The following DENND3 variants were observed in gnomAD, a reference collection of about 807,000 sequenced individuals.
DENND3 encodes the protein DENN domain containing 3.
In DENND3, 88 loss-of-function variants were observed where a neutral mutation model predicts 135.1. The observed-to-expected ratio is 0.65, with a 90% confidence interval of 0.55 to 0.78. DENND3 has a LOEUF of 0.78. Among genes scored for constraint, DENND3 ranks in the 30% least tolerant of loss-of-function variants. The pLI is 0.00. For missense variants in DENND3, 1,392 were observed against 1,688.4 expected (o/e 0.82, Z 3.08); for synonymous variants, 693 against 712.3 (o/e 0.97, Z 0.43).
At chr8:141,145,845 A>T (rs1199326092) in intron 5 of DENND3, among the ~76,000 whole-genome samples, 2,362 of 41,676 alleles carry the variant, frequency 0.057, 207 homozygotes, top group African/African-American at 0.37. Context: ...ATATATATAT[A>T]TATATGTATT....
rs371662214 is a variant in DENND3 at position 141,152,898 on chromosome 8, C to T, written c.1074+1061C>T. On this transcript the variant is annotated intron_variant, in intron 7 of 22. Coordinates refer to ENST00000519811, the MANE Select transcript of DENND3 (RefSeq NM_001352890.3). The stretch of plus-strand genomic sequence containing the variant: ...GAGGGTTCTAGCTTCTCCTAACGTC[C>T]GCGCCAGCGCTGGTTGTTGTCTGCC... Among the ~76,000 whole-genome samples, 77 of 152,256 alleles carry T rather than the reference C, an allele frequency of 5.1e-4. No individual in the cohort carries two copies. The South Asian group carries it at 0.016, about 31-fold the overall frequency.
Position 141,133,965 on chromosome 8 carries a change from G to A in DENND3, c.103-2544G>A, listed in dbSNP as rs187976724. On this transcript the variant is annotated intron_variant, in intron 1 of 22. Transcript: ENST00000519811. The stretch of plus-strand genomic sequence containing the variant: ...GGGCTGTGAGTGCTGAGGTCCTTCA[G>A]GAGGATGGTGCGAAGGACCCAGGCC... 2.5e-3 allele frequency among the ~76,000 whole-genome samples: 374 copies of A among 152,262 alleles called. 2 individuals are homozygous for A. Among genetic ancestry groups the A allele is most frequent in the African/African-American group, 8.6e-3 (358 of 41,556 alleles).
chr8:141,172,917 TA>T lies in DENND3; in HGVS notation c.2276-2270del, dbSNP rs750587201. 9.1e-3 allele frequency among the ~76,000 whole-genome samples: 1,142 copies of T among 125,918 alleles called. 14 individuals carry two copies. Among genetic ancestry groups the T allele is most frequent in the African/African-American group, 0.02 (664 of 32,690 alleles). 82.6% of individuals were successfully genotyped at this position (125,918 alleles called of 152,430 possible). A position where few individuals can be genotyped will look rare whatever the true frequency, so the allele number is the denominator to read the frequency against. On this transcript the variant is annotated intron_variant, in intron 13 of 22. Coordinates refer to ENST00000519811, the MANE Select transcript of DENND3 (RefSeq NM_001352890.3). ...CAGAGCAAGACCCTGTCTCTAAATT[TA>T]AAAAAAAAAAAAGAAAGAAATACAT...
rs781484587 is a variant in DENND3 at position 141,155,845 on chromosome 8, C to G, written c.1075-4C>G. The G allele has an allele frequency of 1.4e-5, 22 of 1,581,226 alleles. 1 individual carries two copies. The highest frequency in any genetic ancestry group is 1.1e-4 in the Admixed American group (6 of 54,174). ...ATCTTTACAGATGATTCCTTGTTTT[C>G]TAGGAAGCCGACGGTTTAGTTCTGA... On this transcript the variant is annotated splice_polypyrimidine_tract_variant and splice_region_variant and intron_variant, in intron 7 of 22. Transcript: ENST00000519811.
intron 18 of DENND3, chr8:141,188,660 A>G (rs1824257542): frequency 3.9e-6 from 1 of 256,640 alleles, no homozygotes; most frequent in Admixed American, 5.8e-5. Flanking sequence ...GGAGGCGGTG[A>G]CGTGTCTTGC....
In DENND3 at chr8:141,150,718, T is replaced by A. The variant is rs578060013; in HGVS notation, c.736-116T>A. Reference sequence around the variant, plus strand: ...GCAGAATTTAACGTGGCAGCCTGTGTCTTCAGAAATGTTTTCTAACTCTGA... The same window carrying A: ...GCAGAATTTAACGTGGCAGCCTGTGACTTCAGAAATGTTTTCTAACTCTGA... On this transcript the variant is annotated intron_variant, in intron 5 of 22. Coordinates refer to ENST00000519811, the MANE Select transcript of DENND3 (RefSeq NM_001352890.3). 98 of 1,319,700 alleles carry A rather than the reference T, an allele frequency of 7.4e-5. 1 individual carries two copies. In the South Asian group the frequency reaches 1.3e-3, roughly 18 times the overall value. The allele number at this position is 1,319,700 out of a possible 1,614,324, so 81.7% of individuals were successfully genotyped here.
At position 141,160,713 on chromosome 8, in the gene DENND3, C is replaced by T. The variant is rs1218979645; in HGVS notation, c.1278C>T (p.His426=). ...SSTDLKEGRA[H]RRSWQQKLNC... The stretch of plus-strand genomic sequence containing the variant: ...CAGACCTGAAGGAGGGCCGAGCCCA[C>T]CGGCGGTCCTGGCAGCAGAAACTCA... The change falls in exon 9 of 23, where the codon CAC becomes CAT. Residue 426 remains histidine (H), a synonymous_variant. Transcript: ENST00000519811. 6.2e-7 allele frequency: 1 copy of T among 1,613,226 alleles called. No homozygotes were observed. The highest frequency in any genetic ancestry group is 8.5e-7 in the Non-Finnish European group (1 of 1,179,906).
intron 11 of DENND3, among the ~76,000 whole-genome samples, chr8:141,165,625 C>T (rs1170905807): frequency 6.6e-6 from 1 of 152,008 alleles, no homozygotes; most frequent in Non-Finnish European, 1.5e-5. Flanking sequence ...CCATCATGCC[C>T]GGCTAATTTT....
At chr8:141,186,625 A>G (rs1021869415) in intron 18 of DENND3, among the ~76,000 whole-genome samples, 1 of 152,244 alleles carries the variant, frequency 6.6e-6, no homozygotes, top group Non-Finnish European at 1.5e-5. Context: ...GGAAGCCACA[A>G]GAGTGCACAC....
intron 5 of DENND3, among the ~76,000 whole-genome samples, chr8:141,149,645 G>A (rs574076071): frequency 6.6e-5 from 10 of 152,334 alleles, no homozygotes; most frequent in African/African-American, 2.4e-4. Context: ...CCAATCCCAC[G>A]CTCTCCCACA....
At chr8:141,183,332 G>A (rs1773998744) in intron 17 of DENND3, among the ~76,000 whole-genome samples, 1 of 152,082 alleles carries the variant, frequency 6.6e-6, no homozygotes, top group South Asian at 2.1e-4. Context: ...TGCAACCTCT[G>A]CCTCCTGGGC....
At position 141,163,318 on chromosome 8, in the gene DENND3, C is replaced by G; in HGVS notation, c.1353-15C>G. On this transcript the variant is annotated splice_polypyrimidine_tract_variant and intron_variant, in intron 9 of 22. Transcript: ENST00000519811. The stretch of plus-strand genomic sequence containing the variant: ...AAGAAAGTTTTAGCACTCAGACTCT[C>G]TTTCTCTTTGTTAGGGATGTAAAGA... The G allele has an allele frequency of 6.6e-7, 1 of 1,524,242 alleles. No individual in the cohort carries two copies. The highest frequency in any genetic ancestry group is 9.0e-7 in the Non-Finnish European group (1 of 1,107,166). 94.4% of individuals were successfully genotyped at this position (1,524,242 alleles called of 1,614,324 possible). A position where few individuals can be genotyped will look rare whatever the true frequency, so the allele number is the denominator to read the frequency against.
Position 141,195,116 on chromosome 8 carries a change from G to GT in DENND3, c.*884dup, listed in dbSNP as rs1825203116. 2.0e-5 allele frequency: 3 copies of GT among 152,254 alleles called. No individual in the cohort carries two copies. Among genetic ancestry groups the GT allele is most frequent in the Admixed American group, 1.3e-4 (2 of 15,290 alleles). 9.4% of individuals were successfully genotyped at this position (152,254 alleles called of 1,614,324 possible). ...TTCCCTGAATCCGTGTGCACACTGC[G>GT]TATGTGTACGCGCAGCATGCTATAC... is the stretch of plus-strand genomic sequence containing the variant. On this transcript the variant is annotated 3_prime_UTR_variant, in exon 23 of 23. Coordinates refer to ENST00000519811, the MANE Select transcript of DENND3 (RefSeq NM_001352890.3).
At position 141,174,483 on chromosome 8, in the gene DENND3, C is replaced by T. The variant is rs1472236470; in HGVS notation, c.2276-717C>T. ...CCTGCCGGCAGGGACTTGGGATTTCCGAGGGGTCGTCCCATCTCCCGCTGA... is the reference window on the plus strand; with the variant it reads ...CCTGCCGGCAGGGACTTGGGATTTCTGAGGGGTCGTCCCATCTCCCGCTGA... On this transcript the variant is annotated intron_variant, in intron 13 of 22. Coordinates refer to ENST00000519811, the MANE Select transcript of DENND3 (RefSeq NM_001352890.3). This position sits in a 1 kb window ranked among gnomAD's most constrained non-coding sequence, Gnocchi z 4.6. Among the ~76,000 whole-genome samples the T allele has an allele frequency of 3.3e-5, 5 of 152,098 alleles. No individual in the cohort carries two copies. Among genetic ancestry groups the T allele is most frequent in the African/African-American group, 1.2e-4 (5 of 41,412 alleles).
chr8:141,194,173 A>T lies in DENND3; in HGVS notation c.3777A>T (p.Arg1259Ser). 1 of 1,613,632 alleles carries T rather than the reference A, an allele frequency of 6.2e-7. No individual in the cohort carries two copies. Among genetic ancestry groups the T allele is most frequent in the Non-Finnish European group, 8.5e-7 (1 of 1,179,966 alleles). Residue 1259 changes from arginine to serine, a missense_variant, in exon 23 of 23, where the codon AGA (arginine) becomes AGT (serine). Physicochemically the swap from Arg to Ser is moderately radical, Grantham distance 110. Coordinates refer to ENST00000519811, the MANE Select transcript of DENND3 (RefSeq NM_001352890.3). Reference sequence around the variant, plus strand: ...GGACGCTGTGCTCGGCTGAGGACAGATACGTGCTGAGTGGGTCGGGCAGGG... The same window carrying T: ...GGACGCTGTGCTCGGCTGAGGACAGTTACGTGCTGAGTGGGTCGGGCAGGG... ...TVRTLCSAED[R>S]YVLSGSGREE... is the part of the protein sequence containing the mutation.
rs1241705447 is a variant in DENND3 at position 141,194,461 on chromosome 8, T to A, written c.*228T>A. The A allele has an allele frequency of 4.4e-5, 25 of 563,868 alleles. No homozygotes were observed. Among genetic ancestry groups the A allele is most frequent in the Non-Finnish European group, 9.5e-6 (3 of 316,026 alleles). 34.9% of individuals were successfully genotyped at this position (563,868 alleles called of 1,614,324 possible). On this transcript the variant is annotated 3_prime_UTR_variant, in exon 23 of 23. Transcript: ENST00000519811. Reference sequence around the variant, plus strand: ...ACCAAGGGTGTTTCCTGTTGGGGTGTGTCTCAGGCAGGCAGCTGCGTCTTG... The same window carrying A: ...ACCAAGGGTGTTTCCTGTTGGGGTGAGTCTCAGGCAGGCAGCTGCGTCTTG...
At chr8:141,129,617 A>G (rs922509772) in intron 1 of DENND3, 1 of 152,354 alleles carries the variant, frequency 6.6e-6, no homozygotes, top group Admixed American at 6.5e-5. Flanking sequence ...TGTCTGTGAC[A>G]CCGTGACTGG....
intron 11 of DENND3, 31 bp downstream of exon 11, chr8:141,165,320 C>T: frequency 6.4e-7 from 1 of 1,561,392 alleles, no homozygotes; most frequent in Non-Finnish European, 8.8e-7. Flanking sequence ...GGATCTGCAG[C>T]TCTTTAGGAA....
intron 6 of DENND3, 23 bp from the exon 7 acceptor site, chr8:141,151,596 A>G (rs754061291): frequency 7.9e-5 from 127 of 1,604,956 alleles, no homozygotes; most frequent in Middle Eastern, 6.6e-4. Context: ...GCATGTACTC[A>G]GTGCGGCGGG....
Sources: gnomAD v4.1 joint callset for allele counts (sites outside exome capture counted in the v4.1 genomes callset) on GRCh38, gnomAD v4.1.1 for gene constraint, Gnocchi (gnomAD v3.1) non-coding constraint, MANE v1.5 for transcripts, NCBI Gene and HGNC (gene_info 2026-07-23, HGNC 2026-07-21) for gene names.